ARFGEF3: variants seen among roughly 807,000 people sequenced by gnomAD.
ARFGEF3 encodes the protein brefeldin A-inhibited guanine nucleotide-exchange protein 3.
ARFGEF3 carries 96 observed loss-of-function variants against 221.7 expected under a neutral mutation model. The ratio of observed to expected loss-of-function variants is 0.43; its 90% confidence interval spans 0.37 to 0.51. The LOEUF (loss-of-function observed/expected upper bound fraction) is 0.51. Ranked by LOEUF, ARFGEF3 falls within the 20% of genes least tolerant of loss-of-function variation. ARFGEF3 has a pLI of 0.00. For synonymous variants in ARFGEF3, 1,145 were observed against 1,126.8 expected, an observed-to-expected ratio of 1.02 and a Z score of -0.32; for missense variants, 2,410 against 2,789.9, an observed-to-expected ratio of 0.86 and a Z score of 3.07.
At position 138,291,374 on chromosome 6, in the gene ARFGEF3, A is replaced by C. The variant is rs939195540; in HGVS notation, c.3048-359A>C. Among the ~76,000 whole-genome samples the C allele has an allele frequency of 6.6e-6, 1 of 152,242 alleles. No homozygotes were observed. The highest frequency in any genetic ancestry group is 2.1e-4 in the South Asian group (1 of 4,812). On this transcript the variant is annotated intron_variant, in intron 18 of 33. Transcript: ENST00000251691. This position sits in a 1 kb window ranked among gnomAD's most constrained non-coding sequence, Gnocchi z 4.5. ...ATCAGAGCACTATATGGAGGGAAAGAGGGTGCCTGGGGAAAAATGGCTCAA... is the reference window on the plus strand; with the variant it reads ...ATCAGAGCACTATATGGAGGGAAAGCGGGTGCCTGGGGAAAAATGGCTCAA...
chr6:138,306,608 T>A (rs1381296561), intron 22 of ARFGEF3, among the ~76,000 whole-genome samples: 2 of 96,518 alleles, frequency 2.1e-5, no homozygotes, highest in Non-Finnish European at 4.3e-5. Flanking sequence ...GACCTATAGT[T>A]CAGTGGAACT....
intron 15 of ARFGEF3, 72 bp from the exon 16 acceptor site, chr6:138,286,629 G>C: frequency 1.6e-6 from 2 of 1,213,502 alleles, no homozygotes; most frequent in Admixed American, 3.4e-5. Context: ...TTGATAGCAA[G>C]AGAATGTGAT....
At chr6:138,323,849 A>C in intron 30 of ARFGEF3, 76 bp downstream of exon 30, 1 of 1,556,374 alleles carries the variant, frequency 6.4e-7, no homozygotes, top group Non-Finnish European at 8.8e-7. Flanking sequence ...CATGTTGGGC[A>C]CATGGGTTCT....
intron 6 of ARFGEF3, among the ~76,000 whole-genome samples, chr6:138,239,041 G>A (rs186363070): frequency 1.8e-4 from 28 of 152,278 alleles, no homozygotes; most frequent in African/African-American, 6.5e-4. Context: ...GATGGTGGCA[G>A]GAGGCCTCCT....
intron 10 of ARFGEF3, 29 bp downstream of exon 10, chr6:138,255,798 G>T (rs777236663): frequency 4.8e-6 from 7 of 1,473,128 alleles, no homozygotes; most frequent in Non-Finnish European, 5.4e-6. Flanking sequence ...TCGCCACCAG[G>T]TTTACAAGGG....
At chr6:138,252,645 C>T (rs958543649) in intron 8 of ARFGEF3, among the ~76,000 whole-genome samples, 4 of 152,196 alleles carry the variant, frequency 2.6e-5, no homozygotes, top group Non-Finnish European at 4.4e-5. Flanking sequence ...GTAATTTGAA[C>T]TGTTAAAGAC....
chr6:138,336,563 C>T lies in ARFGEF3; in HGVS notation c.*77C>T, dbSNP rs1271056899. ...CTGCCAATACAGCTGTTGCATTTTC[C>T]CCACCACTAGCCCCACTTAAACTAC... On this transcript the variant is annotated 3_prime_UTR_variant, in exon 34 of 34. Coordinates refer to ENST00000251691, the MANE Select transcript of ARFGEF3 (RefSeq NM_020340.5). 4.1e-6 allele frequency: 5 copies of T among 1,219,320 alleles called. No homozygotes were observed. In the African/African-American group the frequency reaches 7.6e-5, roughly 19 times the overall value. The allele number at this position is 1,219,320 out of a possible 1,614,324, so 75.5% of individuals were successfully genotyped here. A position where few individuals can be genotyped will look rare whatever the true frequency, so the allele number is the denominator to read the frequency against.
rs1779419641 is a variant in ARFGEF3 at position 138,292,015 on chromosome 6, G to C, written c.3330G>C (p.Ala1110=). 5.3e-6 allele frequency: 8 copies of C among 1,517,050 alleles called. No individual in the cohort carries two copies. Among genetic ancestry groups the C allele is most frequent in the African/African-American group, 1.4e-5 (1 of 71,070 alleles). The allele number at this position is 1,517,050 out of a possible 1,614,324, so 94.0% of individuals were successfully genotyped here. ...GGAGCCTCATGAGCGGGAGCAGCGC[G>C]GCCAAGGTGGTGCTCACCCTCTCCA... The part of the protein sequence containing the change: ...RGGSLMSGSS[A]AKVVLTLSTQ... Residue 1110 remains alanine (A), a synonymous_variant, in exon 19 of 34, where the codon GCG becomes GCC. Coordinates refer to ENST00000251691, the MANE Select transcript of ARFGEF3 (RefSeq NM_020340.5).
At chr6:138,193,569 C>G (rs1462527099) in intron 2 of ARFGEF3, among the ~76,000 whole-genome samples, 1 of 152,126 alleles carries the variant, frequency 6.6e-6, no homozygotes, top group African/African-American at 2.4e-5. Flanking sequence ...ATTACTAAAA[C>G]TCTTATGTAC....
intron 4 of ARFGEF3, among the ~76,000 whole-genome samples, chr6:138,227,988 C>T (rs1477920557): frequency 6.6e-6 from 1 of 152,192 alleles, no homozygotes; most frequent in Non-Finnish European, 1.5e-5. Flanking sequence ...GCCTGGAAGA[C>T]ATAGCCTCCC....
At chr6:138,225,209 T>C (rs1265581151) in intron 4 of ARFGEF3, among the ~76,000 whole-genome samples, 1 of 152,252 alleles carries the variant, frequency 6.6e-6, no homozygotes, top group Non-Finnish European at 1.5e-5. Context: ...TTATCTCCTT[T>C]TAGTTATAAT....
At chr6:138,172,758 A>C in intron 2 of ARFGEF3, among the ~76,000 whole-genome samples, 1 of 152,200 alleles carries the variant, frequency 6.6e-6, no homozygotes, top group East Asian at 1.9e-4. Context: ...GCAACAGAAA[A>C]TACTTCTTCA....
chr6:138,265,008 A>G (rs1050193052), intron 12 of ARFGEF3, among the ~76,000 whole-genome samples: 3 of 147,124 alleles, frequency 2.0e-5, no homozygotes, highest in Non-Finnish European at 3.0e-5. Context: ...GGTTCATGCC[A>G]TTCTCCTGCC....
intron 22 of ARFGEF3, among the ~76,000 whole-genome samples, chr6:138,302,436 G>A (rs1779643750): frequency 6.6e-6 from 1 of 152,084 alleles, no homozygotes; most frequent in African/African-American, 2.4e-5. Flanking sequence ...AATAAACAAA[G>A]CCTCAGAGAT....
intron 32 of ARFGEF3, among the ~76,000 whole-genome samples, chr6:138,329,138 C>T (rs1260814013): frequency 6.6e-6 from 1 of 152,208 alleles, no homozygotes; most frequent in African/African-American, 2.4e-5. Context: ...TTTTTAAACA[C>T]TATCATCCTC....
chr6:138,293,944 C>T, intron 19 of ARFGEF3, 49 bp from the exon 20 acceptor site: 2 of 1,589,754 alleles, frequency 1.3e-6, no homozygotes, highest in Non-Finnish European at 8.6e-7. Flanking sequence ...GCCATAAAGA[C>T]CTTGCTGAAT....
At chr6:138,285,836 C>A (rs2114627316) in intron 14 of ARFGEF3, 110 bp from the exon 15 acceptor site, 1 of 667,222 alleles carries the variant, frequency 1.5e-6, no homozygotes, top group South Asian at 1.8e-5. Context: ...ATGCTTGAAA[C>A]ATAAAAGATA....
Position 138,170,529 on chromosome 6 carries a change from G to A in ARFGEF3, c.86-133G>A, listed in dbSNP as rs368114424. On this transcript the variant is annotated intron_variant, in intron 1 of 33. Transcript: ENST00000251691. ...ATTTTAAAATATGAAGGACTTGCAT[G>A]CAGATAGTTGAGAATTGACTAGTTT... The A allele has an allele frequency of 2.9e-5, 17 of 594,206 alleles. No individual in the cohort carries two copies. The East Asian group carries it at 3.7e-4, about 13-fold the overall frequency. The allele number at this position is 594,206 out of a possible 1,614,324, so 36.8% of individuals were successfully genotyped here.
chr6:138,295,391 G>A (rs775016735), intron 20 of ARFGEF3, among the ~76,000 whole-genome samples: 13 of 151,880 alleles, frequency 8.6e-5, no homozygotes, highest in Admixed American at 3.3e-4. Context: ...AGGCCGAGGC[G>A]GGCAGATCAC....
Sources: gnomAD v4.1 joint callset for allele counts (sites outside exome capture counted in the v4.1 genomes callset) on GRCh38, gnomAD v4.1.1 for gene constraint, Gnocchi (gnomAD v3.1) non-coding constraint, MANE v1.5 for transcripts, NCBI Gene and HGNC (gene_info 2026-07-23, HGNC 2026-07-21) for gene names.